CEMIP: variants seen among roughly 807,000 people sequenced by gnomAD.
CEMIP encodes the protein cell migration-inducing and hyaluronan-binding protein.
A neutral mutation model predicts 156.9 loss-of-function variants in CEMIP; 105 were observed. The observed-to-expected ratio is 0.67, with a 90% CI of 0.57 to 0.79. The LOEUF is 0.79. CEMIP is among the 30% of genes least tolerant of loss of function. CEMIP has a pLI of 0.00. For synonymous variants in CEMIP, 676 were observed against 668.4 expected (o/e 1.01, Z -0.17); for missense variants, 1,457 against 1,769.4 (o/e 0.82, Z 3.17).
intron 29 of CEMIP, 176 bp downstream of exon 29, chr15:80,947,241 A>C (rs1596215533): frequency 3.3e-6 from 2 of 603,844 alleles, no homozygotes; most frequent in South Asian, 4.0e-5. Flanking sequence ...GCAAGATGCC[A>C]CCTGTTTACC....
chr15:80,891,145 C>T (rs1899020757), intron 10 of CEMIP, among the ~76,000 whole-genome samples: 1 of 152,244 alleles, frequency 6.6e-6, no homozygotes, highest in Non-Finnish European at 1.5e-5. Context: ...TCTCCAAATA[C>T]TTCTGGAAAT....
chr15:80,942,448 G>T (rs1212321438), intron 27 of CEMIP, 111 bp downstream of exon 27: 3 of 938,768 alleles, frequency 3.2e-6, no homozygotes, highest in South Asian at 1.4e-5. Flanking sequence ...TGTTGGCAGG[G>T]GTGGTTTCCT....
chr15:80,922,239 C>A, intron 17 of CEMIP, 102 bp downstream of exon 17: 2 of 1,449,556 alleles, frequency 1.4e-6, no homozygotes, highest in Non-Finnish European at 9.7e-7. Flanking sequence ...CAGCTGGGAA[C>A]AACTGCATTC....
At chr15:80,843,630 G>A (rs568377779) in intron 1 of CEMIP, among the ~76,000 whole-genome samples, 106 of 152,360 alleles carry the variant, frequency 7.0e-4, no homozygotes, top group Non-Finnish European at 3.2e-4. Flanking sequence ...AAGGGCAGAT[G>A]CTTGAGAAGG....
intron 12 of CEMIP, 166 bp downstream of exon 12, chr15:80,896,226 T>C: frequency 3.9e-6 from 3 of 762,318 alleles, no homozygotes; most frequent in Non-Finnish European, 4.5e-6. Context: ...TTCTTACTCA[T>C]GTATCTGCAG....
Position 80,879,786 on chromosome 15 carries a change from A to G in CEMIP, c.312A>G (p.Gly104=), listed in dbSNP as rs1898585334. The G allele has an allele frequency of 1.2e-6, 2 of 1,614,176 alleles. No individual in the cohort carries two copies. The highest frequency in any genetic ancestry group is 1.7e-6 in the Non-Finnish European group (2 of 1,180,016). ...CCCGGCACATCCTGATTGACAACGG[A>G]GGAGAGCTGCATGCTGGGAGTGCCC... The part of the protein sequence containing the change: ...LRTRHILIDN[G]GELHAGSALC... The change falls in exon 5 of 30, where the codon GGA becomes GGG. Residue 104 remains glycine, a synonymous_variant. Coordinates refer to ENST00000394685, the MANE Select transcript of CEMIP (RefSeq NM_001293298.2).
chr15:80,850,270 T>G (rs945724485), intron 1 of CEMIP, among the ~76,000 whole-genome samples: 4 of 152,026 alleles, frequency 2.6e-5, no homozygotes. Flanking sequence ...GGTGGCAGCT[T>G]CTTTATTGTC....
chr15:80,894,930 C>A lies in CEMIP; in HGVS notation c.1087-60C>A. 2.5e-6 allele frequency: 4 copies of A among 1,594,826 alleles called. No homozygotes were observed. The South Asian group carries it at 4.4e-5, about 18-fold the overall frequency. ...AGTATATGTTTAGAACATTAATCAG[C>A]ACCTTCCTTCTCTATAAAAAAAAAA... is the stretch of plus-strand genomic sequence containing the variant. On this transcript the variant is annotated intron_variant, in intron 10 of 29. Transcript: ENST00000394685.
chr15:80,900,810 T>A, intron 12 of CEMIP: 1 of 366,110 alleles, frequency 2.7e-6, no homozygotes, highest in East Asian at 8.4e-5. Flanking sequence ...CTCCCTTTTC[T>A]GTGAGCCCCA....
At chr15:80,869,676 G>A (rs746568523) in intron 1 of CEMIP, among the ~76,000 whole-genome samples, 65 of 152,232 alleles carry the variant, frequency 4.3e-4, no homozygotes, top group Non-Finnish European at 5.3e-4. Flanking sequence ...TAAGATACTC[G>A]AGAGGCAGGA....
intron 1 of CEMIP, among the ~76,000 whole-genome samples, chr15:80,831,258 G>A (rs1022308582): frequency 2.0e-5 from 3 of 152,150 alleles, no homozygotes; most frequent in African/African-American, 7.2e-5. Context: ...GTGAATTATA[G>A]AACAGGAGCT....
chr15:80,828,160 C>T (rs1897080618), intron 1 of CEMIP, among the ~76,000 whole-genome samples: 1 of 152,174 alleles, frequency 6.6e-6, no homozygotes, highest in Non-Finnish European at 1.5e-5. Context: ...AGGCAGATCA[C>T]CTGAGGTCAG....
At chr15:80,859,658 G>A (rs1324400088) in intron 1 of CEMIP, among the ~76,000 whole-genome samples, 5 of 152,222 alleles carry the variant, frequency 3.3e-5, no homozygotes, top group African/African-American at 1.2e-4. Flanking sequence ...GCTAACTCCA[G>A]GTAGACAGTA....
At chr15:80,933,974 C>T (rs188376945) in intron 23 of CEMIP, among the ~76,000 whole-genome samples, 76 of 152,236 alleles carry the variant, frequency 5.0e-4, no homozygotes, top group Admixed American at 4.2e-3. Context: ...ATTAAAAATA[C>T]TATCATTCAA....
intron 28 of CEMIP, among the ~76,000 whole-genome samples, chr15:80,945,394 G>A (rs1164407743): frequency 6.6e-6 from 1 of 152,216 alleles, no homozygotes; most frequent in Non-Finnish European, 1.5e-5. Flanking sequence ...AAGTAGGAAG[G>A]CTGAGCTCCA....
At chr15:80,914,029 G>A (rs995772114) in intron 14 of CEMIP, among the ~76,000 whole-genome samples, 6 of 152,228 alleles carry the variant, frequency 3.9e-5, no homozygotes, top group Non-Finnish European at 7.3e-5. Context: ...GAAATGCAAT[G>A]GTTAGCACCA....
At chr15:80,858,474 G>A (rs540335610) in intron 1 of CEMIP, among the ~76,000 whole-genome samples, 3 of 152,060 alleles carry the variant, frequency 2.0e-5, no homozygotes, top group Non-Finnish European at 4.4e-5. Flanking sequence ...AGCACTTTGG[G>A]AGGCCAAGGC....
chr15:80,922,601 G>A (rs1373468557), intron 17 of CEMIP, among the ~76,000 whole-genome samples: 1 of 152,202 alleles, frequency 6.6e-6, no homozygotes, highest in African/African-American at 2.4e-5. Flanking sequence ...CTCTTGTCTT[G>A]TTTCTTGGGA....
rs1229129646 is a variant in CEMIP at position 80,920,281 on chromosome 15, A to G, written c.1985A>G (p.Lys662Arg). 6.2e-7 allele frequency: 1 copy of G among 1,614,122 alleles called. No individual in the cohort carries two copies. Among genetic ancestry groups the G allele is most frequent in the Non-Finnish European group, 8.5e-7 (1 of 1,179,964 alleles). ...GACTCCTACCCGGGGTACATCCCCAAGCCCAGGCAAGACTGCAAGTAAGTG... is the reference window on the plus strand; with the variant it reads ...GACTCCTACCCGGGGTACATCCCCAGGCCCAGGCAAGACTGCAAGTAAGTG... ...TEDSYPGYIPKPRQDCNAVST... is the reference protein window; with the variant it reads ...TEDSYPGYIPRPRQDCNAVST... Residue 662 changes from lysine to arginine, a missense_variant, in exon 15 of 30, where the codon AAG becomes AGG. Physicochemically the swap from Lys to Arg is conservative, Grantham distance 26. Around this residue, in one of 5 missense-constraint regions of CEMIP, gnomAD observed 798 missense variants for 980.1 expected, o/e 0.81. Coordinates refer to ENST00000394685, the MANE Select transcript of CEMIP (RefSeq NM_001293298.2).
Sources: gnomAD v4.1 joint callset for allele counts (sites outside exome capture counted in the v4.1 genomes callset) on GRCh38, gnomAD v4.1.1 for gene constraint, gnomAD v4.1.1 regional missense constraint, MANE v1.5 for transcripts, NCBI Gene and HGNC (gene_info 2026-07-23, HGNC 2026-07-21) for gene names.